Variants in PAK5 observed in about 807,000 individuals in gnomAD.
PAK5 encodes the protein p21 (RAC1) activated kinase 5.
In PAK5, 16 loss-of-function variants were observed where a neutral mutation model predicts 65.9. That is an observed-to-expected ratio of 0.24 (90% CI 0.16 to 0.37). PAK5 has a LOEUF of 0.37. Among genes scored for constraint, PAK5 ranks in the 10% least tolerant of loss-of-function variants. The probability of loss-of-function intolerance (pLI) is 1.00; values close to 1 mark genes in which losing one functional copy is unlikely to be tolerated. For synonymous variants in PAK5, 371 were observed against 354.9 expected, an observed-to-expected ratio of 1.05 and a Z score of -0.51; for missense variants, 785 against 903.9, an observed-to-expected ratio of 0.87 and a Z score of 1.69.
At chr20:9,542,818 G>A in intron 8 of PAK5, 98 bp from the exon 9 acceptor site, 4 of 1,057,342 alleles carry the variant, frequency 3.8e-6, no homozygotes, top group Middle Eastern at 4.6e-4. Context: ...AGTGACTATG[G>A]CACTTGTAAC....
rs1310601717 is a variant in PAK5, at chr20:9,611,418, C to A, written c.205-30488G>T. Reference sequence around the variant, plus strand: ...GAAGAGATGGTACTGAGAGAGTCTACACAAACACACCTTACTCACTAACCC... The same window carrying A: ...GAAGAGATGGTACTGAGAGAGTCTAAACAAACACACCTTACTCACTAACCC... On this transcript the variant is annotated intron_variant, in intron 3 of 9. Coordinates refer to ENST00000353224, the MANE Select transcript of PAK5 (RefSeq NM_177990.4). Among the ~76,000 whole-genome samples the A allele has an allele frequency of 2.0e-5, 3 of 152,268 alleles. No individual in the cohort carries two copies. The East Asian group carries it at 5.8e-4, about 29-fold the overall frequency.
intron 1 of PAK5, among the ~76,000 whole-genome samples, chr20:9,733,804 T>C (rs1444627950): frequency 6.6e-6 from 1 of 152,184 alleles, no homozygotes; most frequent in Non-Finnish European, 1.5e-5. Flanking sequence ...TGGCTGGTCA[T>C]TTGAAAGACT....
At chr20:9,783,851 C>A (rs529160898) in intron 1 of PAK5, among the ~76,000 whole-genome samples, 6 of 152,096 alleles carry the variant, frequency 3.9e-5, no homozygotes, top group Non-Finnish European at 8.8e-5. Flanking sequence ...CTTACCTCCC[C>A]ATTTAATAGA....
intron 6 of PAK5, among the ~76,000 whole-genome samples, chr20:9,562,160 A>G (rs1008329304): frequency 1.3e-5 from 2 of 152,198 alleles, no homozygotes; most frequent in African/African-American, 4.8e-5. Flanking sequence ...TTTCTGAGAG[A>G]GACATTTAGG....
chr20:9,660,648 T>C (rs1455396111), intron 2 of PAK5, among the ~76,000 whole-genome samples: 1 of 152,094 alleles, frequency 6.6e-6, no homozygotes, highest in Non-Finnish European at 1.5e-5. Flanking sequence ...GAAGATGTCC[T>C]TAAATTAAGA....
intron 1 of PAK5, among the ~76,000 whole-genome samples, chr20:9,757,962 C>G (rs2048654819): frequency 6.6e-6 from 1 of 152,154 alleles, no homozygotes; most frequent in Non-Finnish European, 1.5e-5. Context: ...AATTCGGGCA[C>G]AGACAAAAGT....
intron 7 of PAK5, among the ~76,000 whole-genome samples, chr20:9,550,435 C>A (rs938748963): frequency 6.6e-6 from 1 of 152,096 alleles, no homozygotes; most frequent in African/African-American, 2.4e-5. Context: ...ATCTCCTTCA[C>A]CCTGAGGTCC....
chr20:9,815,106 C>A (rs1446979543), intron 1 of PAK5, among the ~76,000 whole-genome samples: 1 of 152,040 alleles, frequency 6.6e-6, no homozygotes, highest in Admixed American at 6.6e-5. Flanking sequence ...CTAGTTCTTG[C>A]AGGAAATAAG....
chr20:9,652,012 C>T (rs1183265447), intron 2 of PAK5, among the ~76,000 whole-genome samples: 2 of 152,206 alleles, frequency 1.3e-5, no homozygotes, highest in Non-Finnish European at 2.9e-5. Flanking sequence ...TAACGTACCT[C>T]TTAAGAGTGA....
intron 2 of PAK5, among the ~76,000 whole-genome samples, chr20:9,660,066 C>T (rs949747462): frequency 1.3e-5 from 2 of 152,100 alleles, no homozygotes; most frequent in South Asian, 2.1e-4. Flanking sequence ...CTGTCACTCC[C>T]TTCCAAATCT....
intron 3 of PAK5, among the ~76,000 whole-genome samples, chr20:9,631,600 C>A (rs2046922731): frequency 6.6e-6 from 1 of 152,126 alleles, no homozygotes; most frequent in South Asian, 2.1e-4. Context: ...CCTTGTGAAA[C>A]CTTGAGCAAG....
At chr20:9,603,400 C>A (rs886745454) in intron 3 of PAK5, among the ~76,000 whole-genome samples, 75 of 152,306 alleles carry the variant, frequency 4.9e-4, no homozygotes, top group Non-Finnish European at 1.0e-3. Flanking sequence ...CCCTTCCATT[C>A]ATTCCACCTC....
At chr20:9,689,348 C>A (rs986491518) in intron 2 of PAK5, among the ~76,000 whole-genome samples, 1 of 152,166 alleles carries the variant, frequency 6.6e-6, no homozygotes, top group South Asian at 2.1e-4. Flanking sequence ...GTCTACTCAG[C>A]CAAATACCAA....
intron 2 of PAK5, among the ~76,000 whole-genome samples, chr20:9,680,785 G>GT (rs1433101133): frequency 6.6e-6 from 1 of 152,144 alleles, no homozygotes; most frequent in Non-Finnish European, 1.5e-5. Flanking sequence ...GCCAAAGAAG[G>GT]TTTTCCCAAG....
chr20:9,601,432 C>A (rs549863572), intron 3 of PAK5, among the ~76,000 whole-genome samples: 1 of 152,242 alleles, frequency 6.6e-6, no homozygotes, highest in South Asian at 2.1e-4. Flanking sequence ...TATCATCTGT[C>A]TCTTGCATTT....
intron 1 of PAK5, among the ~76,000 whole-genome samples, chr20:9,743,706 C>T (rs1569069202): frequency 2.0e-5 from 3 of 152,264 alleles, no homozygotes; most frequent in Non-Finnish European, 4.4e-5. Flanking sequence ...TGTGGAACAA[C>T]AATGTGCTAG....
At chr20:9,630,129 G>A (rs1280798710) in intron 3 of PAK5, among the ~76,000 whole-genome samples, 2 of 152,116 alleles carry the variant, frequency 1.3e-5, no homozygotes, top group African/African-American at 2.4e-5. Flanking sequence ...GAGGAAAGAG[G>A]AAGATTGGGA....
At chr20:9,763,303 C>A (rs573600228) in intron 1 of PAK5, among the ~76,000 whole-genome samples, 1 of 151,934 alleles carries the variant, frequency 6.6e-6, no homozygotes, top group Non-Finnish European at 1.5e-5. Context: ...ATAAGAGGGG[C>A]AGGGTGAGAG....
At chr20:9,831,201 T>TG (rs869137116) in intron 1 of PAK5, among the ~76,000 whole-genome samples, 3 of 152,332 alleles carry the variant, frequency 2.0e-5, no homozygotes, top group African/African-American at 4.8e-5. Context: ...CAAGCTGTTT[T>TG]GGGGGGTGTG....
Sources: allele counts gnomAD v4.1 joint callset (sites outside exome capture counted in the v4.1 genomes callset), GRCh38; gene constraint gnomAD v4.1.1; transcripts MANE v1.5; gene names NCBI Gene and HGNC (gene_info 2026-07-23, HGNC 2026-07-21).